The following KLC1 variants were observed in gnomAD, a reference collection of about 807,000 sequenced individuals.
KLC1 encodes the protein kinesin light chain 1.
A neutral mutation model predicts 84.2 loss-of-function variants in KLC1; 30 were observed. The observed-to-expected ratio is 0.36, with a 90% CI of 0.27 to 0.48. The LOEUF is 0.48. Ranked by LOEUF, KLC1 falls within the 20% of genes least tolerant of loss-of-function variation. The pLI is 0.99. For synonymous variants in KLC1, 289 were observed against 293.3 expected (o/e 0.99, Z 0.15); for missense variants, 499 against 805.4 (o/e 0.62, Z 4.60).
At position 103,687,187 on chromosome 14, in the gene KLC1, G is replaced by T. The variant is rs1425231754; in HGVS notation, c.1757G>T (p.Arg586Leu). The change falls in exon 14 of 17, where the codon CGA (arginine) becomes CTA (leucine). Residue 586 changes from arginine (R) to leucine (L), a missense_variant. Around this residue, in one of 3 missense-constraint regions of KLC1, gnomAD observed 167 missense variants for 208.8 expected, o/e 0.80. Transcript: ENST00000334553. ...LVRKLKGGSS[R>L]ESEPKNPGMK... is the part of the protein sequence containing the mutation. Reference sequence around the variant, plus strand: ...AGGAAGCTGAAGGGAGGAAGTTCACGAGAGAGTGAGCCAAAGAACCCCGGG... The same window carrying T: ...AGGAAGCTGAAGGGAGGAAGTTCACTAGAGAGTGAGCCAAAGAACCCCGGG... 11 of 1,546,994 alleles carry T rather than the reference G, an allele frequency of 7.1e-6. No individual in the cohort carries two copies. The highest frequency in any genetic ancestry group is 4.1e-5 in the African/African-American group (3 of 72,928).
At chr14:103,661,727 ACT>A (rs2079309495) in intron 3 of KLC1, among the ~76,000 whole-genome samples, 1 of 152,040 alleles carries the variant, frequency 6.6e-6, no homozygotes, top group Non-Finnish European at 1.5e-5. Context: ...TAGCCCCTCC[ACT>A]TCTCTGGGGA....
At chr14:103,674,670 C>T (rs1231722086) in intron 9 of KLC1, among the ~76,000 whole-genome samples, 1 of 152,082 alleles carries the variant, frequency 6.6e-6, no homozygotes, top group Non-Finnish European at 1.5e-5. Context: ...CTGCCTAAGT[C>T]CCCCAAAGTG....
chr14:103,691,978 C>G (rs992355052), intron 14 of KLC1, among the ~76,000 whole-genome samples: 1 of 152,118 alleles, frequency 6.6e-6, no homozygotes, highest in African/African-American at 2.4e-5. Context: ...CCATGTTACC[C>G]GGGATGGTCT....
At chr14:103,648,908 G>A (rs902449793) in intron 1 of KLC1, among the ~76,000 whole-genome samples, 2 of 152,126 alleles carry the variant, frequency 1.3e-5, no homozygotes, top group African/African-American at 2.4e-5. Flanking sequence ...AGGCCGAGGC[G>A]GGCAGATCAC....
At chr14:103,646,693 T>G (rs1293482456) in intron 1 of KLC1, among the ~76,000 whole-genome samples, 2 of 152,106 alleles carry the variant, frequency 1.3e-5, no homozygotes, top group African/African-American at 4.8e-5. Context: ...CAGTCTGGTC[T>G]TGAACCCCTG....
chr14:103,685,124 A>G, intron 13 of KLC1: 12 of 1,486,050 alleles, frequency 8.1e-6, no homozygotes, highest in Middle Eastern at 2.0e-4. Context: ...CCCAGGACGC[A>G]TTGCTGCCTG....
intron 3 of KLC1, among the ~76,000 whole-genome samples, chr14:103,659,709 T>C (rs1459447268): frequency 6.6e-6 from 1 of 152,176 alleles, no homozygotes; most frequent in African/African-American, 2.4e-5. Context: ...CTAAGACTAC[T>C]GAAACAGTTT....
chr14:103,657,243 A>G (rs2078905783), intron 2 of KLC1, among the ~76,000 whole-genome samples: 2 of 152,196 alleles, frequency 1.3e-5, no homozygotes, highest in Middle Eastern at 3.4e-3. Context: ...TAGAAAGTAA[A>G]ATAATACAGT....
intron 13 of KLC1, chr14:103,685,091 G>C: frequency 2.0e-6 from 3 of 1,532,372 alleles, no homozygotes; most frequent in Non-Finnish European, 2.6e-6. Flanking sequence ...CTGTCGAGAC[G>C]TCGGCTTTCC....
chr14:103,688,569 G>T (rs1436241494), intron 14 of KLC1, among the ~76,000 whole-genome samples: 2 of 152,208 alleles, frequency 1.3e-5, no homozygotes, highest in Non-Finnish European at 2.9e-5. Context: ...GGTGCGGGGT[G>T]GCCAGAGATG....
At chr14:103,648,184 C>T (rs1050735374) in intron 1 of KLC1, among the ~76,000 whole-genome samples, 3 of 152,028 alleles carry the variant, frequency 2.0e-5, no homozygotes, top group East Asian at 1.9e-4. Flanking sequence ...CTCTTGACCT[C>T]GTGATTTGCC....
intron 5 of KLC1, among the ~76,000 whole-genome samples, chr14:103,668,114 A>T (rs963896312): frequency 6.6e-6 from 1 of 152,238 alleles, no homozygotes; most frequent in Non-Finnish European, 1.5e-5. Flanking sequence ...AAGACTGTGC[A>T]ATAGATCATA....
intron 1 of KLC1, among the ~76,000 whole-genome samples, chr14:103,637,258 G>A (rs151210452): frequency 2.4e-3 from 364 of 151,922 alleles, no homozygotes; most frequent in African/African-American, 8.6e-3. Context: ...TCGGCTGGGC[G>A]CGGTGGCTCA....
intron 1 of KLC1, among the ~76,000 whole-genome samples, chr14:103,630,549 G>A (rs2076594744): frequency 6.6e-6 from 1 of 151,902 alleles, no homozygotes; most frequent in Non-Finnish European, 1.5e-5. Flanking sequence ...TTTTGGTACG[G>A]CATGACTAAG....
chr14:103,662,633 T>C, intron 4 of KLC1, 69 bp from the exon 5 acceptor site: 1 of 1,269,468 alleles, frequency 7.9e-7, no homozygotes, highest in South Asian at 1.5e-5. Flanking sequence ...TAAAGATAAT[T>C]TTAAAGAAAC....
At chr14:103,632,779 C>T (rs2076781398) in intron 1 of KLC1, among the ~76,000 whole-genome samples, 1 of 152,030 alleles carries the variant, frequency 6.6e-6, no homozygotes, top group African/African-American at 2.4e-5. Context: ...CACAGGCTGG[C>T]ATGGGCAGGT....
At chr14:103,633,182 C>CTCCT in intron 1 of KLC1, among the ~76,000 whole-genome samples, 1 of 151,896 alleles carries the variant, frequency 6.6e-6, no homozygotes, top group African/African-American at 2.4e-5. Flanking sequence ...CTCAGCCTCC[C>CTCCT]GAGTAGCTGG....
chr14:103,696,656 CG>C, intron 15 of KLC1: 1 of 985,456 alleles, frequency 1.0e-6, no homozygotes, highest in Non-Finnish European at 1.2e-6. Flanking sequence ...GCGTGTGCAG[CG>C]GGGCCAGCTG....
chr14:103,659,826 C>G (rs1250569968), intron 3 of KLC1, among the ~76,000 whole-genome samples: 1 of 152,064 alleles, frequency 6.6e-6, no homozygotes, highest in African/African-American at 2.4e-5. Context: ...TCTCATAGTT[C>G]TGGAAGTCCG....
Sources: allele counts gnomAD v4.1 joint callset (sites outside exome capture counted in the v4.1 genomes callset), GRCh38; gene constraint gnomAD v4.1.1; regional missense constraint gnomAD v4.1.1; transcripts MANE v1.5; gene names NCBI Gene and HGNC (gene_info 2026-07-23, HGNC 2026-07-21).